The following VPS41 variants were observed in gnomAD, a reference collection of about 807,000 sequenced individuals.
The protein encoded by VPS41 is vacuolar protein sorting-associated protein 41 homolog.
A neutral mutation model predicts 130.9 loss-of-function variants in VPS41; 85 were observed. The observed-to-expected ratio is 0.65, with a 90% confidence interval of 0.55 to 0.78. The LOEUF (loss-of-function observed/expected upper bound fraction) is 0.78. VPS41 is among the 30% of genes least tolerant of loss of function. The probability of loss-of-function intolerance (pLI) is 0.00; values close to 1 mark genes in which losing one functional copy is unlikely to be tolerated. For missense variants in VPS41, 874 were observed against 1,018.7 expected (o/e 0.86, Z 1.93); for synonymous variants, 335 against 332.9 (o/e 1.01, Z -0.07).
At chr7:38,895,973 T>A (rs142314711) in intron 2 of VPS41, among the ~76,000 whole-genome samples, 1 of 152,310 alleles carries the variant, frequency 6.6e-6, no homozygotes, top group South Asian at 2.1e-4. Context: ...CATCTGACTG[T>A]CAGCTCCAGC....
rs111452723 is a variant in VPS41, at chr7:38,754,586, C to A, written c.1788+116G>T. On this transcript the variant is annotated intron_variant, in intron 21 of 28. Coordinates refer to ENST00000310301, the MANE Select transcript of VPS41 (RefSeq NM_014396.4). ...ACATTGTTTGTGGTGAAACCTCCAA[C>A]TGGAATATTAACCTCCTTGAAGAAT... The A allele has an allele frequency of 1.6e-5, 13 of 798,634 alleles. 1 individual carries two copies. In the African/African-American group the frequency reaches 1.7e-4, roughly 11 times the overall value. 49.5% of individuals were successfully genotyped at this position (798,634 alleles called of 1,614,324 possible). A position where few individuals can be genotyped will look rare whatever the true frequency, so the allele number is the denominator to read the frequency against.
intron 7 of VPS41, among the ~76,000 whole-genome samples, chr7:38,816,213 G>T (rs916210451): frequency 1.3e-5 from 2 of 152,128 alleles, no homozygotes; most frequent in Non-Finnish European, 2.9e-5. Context: ...TTTAACATAA[G>T]GTGAATGCAA....
chr7:38,862,818 T>C (rs2116312047), intron 3 of VPS41, among the ~76,000 whole-genome samples, 196 bp from the exon 4 acceptor site: 1 of 152,332 alleles, frequency 6.6e-6, no homozygotes, highest in East Asian at 1.9e-4. Context: ...ATTGTGATAG[T>C]GCAAGCCAGC....
At chr7:38,807,334 T>C (rs1010801435) in intron 7 of VPS41, among the ~76,000 whole-genome samples, 1 of 152,174 alleles carries the variant, frequency 6.6e-6, no homozygotes, top group Admixed American at 6.5e-5. Context: ...TGTACCAATT[T>C]TCACTGTTAC....
intron 7 of VPS41, among the ~76,000 whole-genome samples, chr7:38,801,836 TACAC>T (rs1784732315): frequency 6.6e-6 from 1 of 152,202 alleles, no homozygotes; most frequent in Non-Finnish European, 1.5e-5. Context: ...TCTCTGACCA[TACAC>T]ACAATGCGTT....
chr7:38,819,553 A>C (rs985559189), intron 6 of VPS41, among the ~76,000 whole-genome samples: 1 of 152,094 alleles, frequency 6.6e-6, no homozygotes, highest in Non-Finnish European at 1.5e-5. Context: ...CCTGCTCTGA[A>C]AAGAGTCCTC....
chr7:38,760,532 C>T (rs187097414), intron 17 of VPS41, among the ~76,000 whole-genome samples: 18 of 152,116 alleles, frequency 1.2e-4, no homozygotes, highest in African/African-American at 3.9e-4. Flanking sequence ...GGAATGTGAC[C>T]AAGTGCCTCA....
chr7:38,757,600 A>G (rs937735720), intron 18 of VPS41, among the ~76,000 whole-genome samples: 9 of 152,182 alleles, frequency 5.9e-5, no homozygotes, highest in Non-Finnish European at 1.2e-4. Flanking sequence ...TGCCATAAAC[A>G]CAACCTCCTC....
At chr7:38,876,475 T>C (rs1786493030) in intron 2 of VPS41, among the ~76,000 whole-genome samples, 1 of 152,166 alleles carries the variant, frequency 6.6e-6, no homozygotes, top group South Asian at 2.1e-4. Flanking sequence ...CTCTGTAGAA[T>C]GGGGATGAAA....
rs573946840 is a variant in VPS41, at chr7:38,806,214, T to G, written c.451-9350A>C. Among the ~76,000 whole-genome samples the G allele has an allele frequency of 1.8e-4, 28 of 152,306 alleles. No homozygotes were observed. The South Asian group carries it at 5.8e-3, about 32-fold the overall frequency. ...GAATACAATTTTACTTGGCAACACA[T>G]ATTAAATGCCTAAAAAATTATCATA... On this transcript the variant is annotated intron_variant, in intron 7 of 28. Coordinates refer to ENST00000310301, the MANE Select transcript of VPS41 (RefSeq NM_014396.4).
At chr7:38,852,445 C>T (rs547450283) in intron 4 of VPS41, among the ~76,000 whole-genome samples, 1 of 152,298 alleles carries the variant, frequency 6.6e-6, no homozygotes, top group African/African-American at 2.4e-5. Flanking sequence ...CTAAATCTTA[C>T]TAAATCTCCT....
intron 7 of VPS41, among the ~76,000 whole-genome samples, chr7:38,807,184 C>T (rs778100059): frequency 6.6e-6 from 1 of 152,172 alleles, no homozygotes; most frequent in Non-Finnish European, 1.5e-5. Context: ...AGCCCTGATG[C>T]CTTAAACCTC....
intron 5 of VPS41, among the ~76,000 whole-genome samples, chr7:38,822,152 A>G (rs927745719): frequency 1.3e-5 from 2 of 152,058 alleles, no homozygotes; most frequent in African/African-American, 2.4e-5. Flanking sequence ...TACTTAGTAT[A>G]TTTTCTGAGT....
chr7:38,862,041 A>C (rs1786125063), intron 4 of VPS41, among the ~76,000 whole-genome samples: 1 of 152,214 alleles, frequency 6.6e-6, no homozygotes, highest in African/African-American at 2.4e-5. Flanking sequence ...CAGGGCATGT[A>C]CTTACAACTG....
chr7:38,869,384 G>T, intron 2 of VPS41, 131 bp from the exon 3 acceptor site: 4 of 604,254 alleles, frequency 6.6e-6, no homozygotes, highest in South Asian at 4.7e-5. Context: ...TACAGCTAAA[G>T]GTTAAAATCT....
At chr7:38,732,022 G>A (rs1292558370) in intron 25 of VPS41, among the ~76,000 whole-genome samples, 2 of 152,066 alleles carry the variant, frequency 1.3e-5, no homozygotes, top group Admixed American at 1.3e-4. Context: ...CATAGATCTG[G>A]TCAACAAGAT....
chr7:38,756,902 T>C lies in VPS41; in HGVS notation c.1631A>G (p.His544Arg), dbSNP rs1310210672. ...LRHKDVFQLI[H>R]KHNLFSSIKD... The stretch of plus-strand genomic sequence containing the variant: ...GATAGAACTGAAAAGATTATGCTTG[T>C]GGATCAACTGAAAAACGTCTTTATG... Residue 544 changes from histidine (H) to arginine (R), a missense_variant, in exon 19 of 29, where the codon CAC (histidine) becomes CGC (arginine). By Grantham distance (29) the His-to-Arg change is conservative (BLOSUM62 0). Coordinates refer to ENST00000310301, the MANE Select transcript of VPS41 (RefSeq NM_014396.4). The C allele has an allele frequency of 6.3e-6, 10 of 1,599,962 alleles. No homozygotes were observed. The highest frequency in any genetic ancestry group is 8.6e-6 in the Non-Finnish European group (10 of 1,168,354).
At chr7:38,829,068 C>CA (rs749242994) in intron 5 of VPS41, among the ~76,000 whole-genome samples, 3 of 152,044 alleles carry the variant, frequency 2.0e-5, no homozygotes, top group Non-Finnish European at 2.9e-5. Flanking sequence ...TACATGAACA[C>CA]AAAAAATGTT....
chr7:38,764,584 A>T (rs1211917271), intron 16 of VPS41, among the ~76,000 whole-genome samples: 1 of 152,138 alleles, frequency 6.6e-6, no homozygotes, highest in East Asian at 1.9e-4. Context: ...AGGCAATGGT[A>T]CCACAGGGGA....
Sources: allele counts gnomAD v4.1 joint callset (sites outside exome capture counted in the v4.1 genomes callset), GRCh38; gene constraint gnomAD v4.1.1; transcripts MANE v1.5; gene names NCBI Gene and HGNC (gene_info 2026-07-23, HGNC 2026-07-21).